Variants in KCNG2 observed in about 807,000 individuals in gnomAD.
KCNG2 encodes the protein voltage-gated potassium channel regulatory subunit KCNG2.
In KCNG2, 7 loss-of-function variants were observed where a neutral mutation model predicts 12.3. That is an observed-to-expected ratio of 0.57 (90% confidence interval 0.32 to 1.07). The LOEUF is 1.07. Ranked by LOEUF, KCNG2 falls within the 50% of genes least tolerant of loss-of-function variation. The pLI is 0.04. For missense variants in KCNG2, 703 were observed against 726.0 expected, an observed-to-expected ratio of 0.97 and a Z score of 0.36; for synonymous variants, 414 against 351.4, an observed-to-expected ratio of 1.18 and a Z score of -1.99.
At chr18:79,846,079 A>G (rs1165888922) in intron 1 of KCNG2, among the ~76,000 whole-genome samples, 5 of 118,494 alleles carry the variant, frequency 4.2e-5, no homozygotes, top group Non-Finnish European at 8.5e-5. Context: ...CGAAAGAGTG[A>G]GACTCTGTCT....
chr18:79,817,889 C>T (rs953394830), intron 1 of KCNG2, among the ~76,000 whole-genome samples: 8 of 152,336 alleles, frequency 5.3e-5, no homozygotes, highest in African/African-American at 1.9e-4. Context: ...GCCCAGGTCT[C>T]GGGGTGGGGG....
Position 79,899,577 on chromosome 18 carries a change from A to G in KCNG2, c.1162A>G (p.Ser388Gly). ...CCTGCCCGGGCAGGTGGTGGCGCTCAGCAGCATCCTCAGCGGCATCCTGCT... is the reference window on the plus strand; with the variant it reads ...CCTGCCCGGGCAGGTGGTGGCGCTCGGCAGCATCCTCAGCGGCATCCTGCT... ...RSLPGQVVAL[S>G]SILSGILLMA... The change falls in exon 4 of 4, where the codon AGC becomes GGC. Residue 388 changes from serine (S) to glycine (G), a missense_variant. Physicochemically the swap from Ser to Gly is moderately conservative, Grantham distance 56. Coordinates refer to ENST00000316249, the MANE Select transcript of KCNG2 (RefSeq NM_012283.2). 2 of 1,599,998 alleles carry G rather than the reference A, an allele frequency of 1.3e-6. No individual in the cohort carries two copies. The highest frequency in any genetic ancestry group is 1.7e-6 in the Non-Finnish European group (2 of 1,173,384).
intron 1 of KCNG2, among the ~76,000 whole-genome samples, chr18:79,814,599 G>A (rs2087514903): frequency 6.6e-6 from 1 of 152,232 alleles, no homozygotes; most frequent in Non-Finnish European, 1.5e-5. Flanking sequence ...GGAGGGGGTG[G>A]CAGGAGTGAC....
chr18:79,838,568 G>A (rs1978370377), intron 1 of KCNG2, among the ~76,000 whole-genome samples: 1 of 151,992 alleles, frequency 6.6e-6, no homozygotes, highest in African/African-American at 2.4e-5. Flanking sequence ...GCACCACCAT[G>A]CCCAGCTAAT....
intron 1 of KCNG2, among the ~76,000 whole-genome samples, chr18:79,813,370 T>C (rs2087506346): frequency 2.0e-5 from 3 of 152,316 alleles, no homozygotes; most frequent in Admixed American, 6.5e-5. Flanking sequence ...AGAAGAGATA[T>C]ACAATCATAT....
At chr18:79,828,951 G>A (rs566482116) in intron 1 of KCNG2, among the ~76,000 whole-genome samples, 8,070 of 130,972 alleles carry the variant, frequency 0.062, 801 homozygotes, top group Non-Finnish European at 0.096. Context: ...ACGTGTCTGT[G>A]TGTGCATGTG....
At chr18:79,859,103 C>T (rs1328050605) in intron 2 of KCNG2, among the ~76,000 whole-genome samples, 5 of 151,900 alleles carry the variant, frequency 3.3e-5, no homozygotes, top group Admixed American at 1.3e-4. Context: ...TCTTTTGTTG[C>T]TTGTGCTTTT....
intron 3 of KCNG2, among the ~76,000 whole-genome samples, chr18:79,889,929 G>T (rs2123123837): frequency 6.6e-6 from 1 of 152,312 alleles, no homozygotes; most frequent in East Asian, 1.9e-4. Context: ...GTCATGAAAA[G>T]ATGTTGTATT....
intron 1 of KCNG2, among the ~76,000 whole-genome samples, chr18:79,853,243 G>A (rs1274220711): frequency 1.3e-5 from 2 of 152,230 alleles, no homozygotes; most frequent in African/African-American, 2.4e-5. Flanking sequence ...ATCATTTAGT[G>A]CTTTAGGGGA....
At chr18:79,834,065 G>A (rs1018084438) in intron 1 of KCNG2, among the ~76,000 whole-genome samples, 36 of 152,216 alleles carry the variant, frequency 2.4e-4, no homozygotes, top group African/African-American at 8.4e-4. Context: ...GGCAGAGGGC[G>A]GTGCTTCCCG....
chr18:79,899,354 GA>G lies in KCNG2; in HGVS notation c.940del (p.Thr314ProfsTer54). 1 of 1,555,898 alleles carries G rather than the reference GA, an allele frequency of 6.4e-7. No individual in the cohort carries two copies. The highest frequency in any genetic ancestry group is 8.6e-7 in the Non-Finnish European group (1 of 1,157,836). ...CGCTGGGGCTGCGTTCGCTGGGCCT[GA>G]CCATGCGCCGCTGCGCGCGCGAGTT... ...HSLGLRSLGL[T>X]MRRCAREFGL... On this transcript the variant is annotated frameshift_variant, in exon 4 of 4. Transcript: ENST00000316249. LOFTEE classifies it low-confidence loss of function (END_TRUNC).
intron 3 of KCNG2, among the ~76,000 whole-genome samples, chr18:79,875,330 C>T (rs117549315): frequency 6.6e-4 from 100 of 152,270 alleles, no homozygotes; most frequent in Non-Finnish European, 1.1e-3. Flanking sequence ...TCCAACACCA[C>T]GGAGCACAGG....
Position 79,835,854 on chromosome 18 carries a change from G to T in KCNG2, c.-114-20525G>T, listed in dbSNP as rs184719706. Among the ~76,000 whole-genome samples the T allele has an allele frequency of 7.5e-4, 115 of 152,318 alleles. 1 individual carries two copies. Among genetic ancestry groups the T allele is most frequent in the African/African-American group, 2.8e-3 (115 of 41,558 alleles). ...TAACACCAGTGGACCATGACAGGTTGTGTGTGTATAATGTAATACCTAGAA... is the reference window on the plus strand; with the variant it reads ...TAACACCAGTGGACCATGACAGGTTTTGTGTGTATAATGTAATACCTAGAA... On this transcript the variant is annotated intron_variant, in intron 1 of 3. Coordinates refer to ENST00000316249, the MANE Select transcript of KCNG2 (RefSeq NM_012283.2).
chr18:79,834,565 C>G (rs375465548), intron 1 of KCNG2, among the ~76,000 whole-genome samples: 1 of 152,166 alleles, frequency 6.6e-6, no homozygotes, highest in Non-Finnish European at 1.5e-5. Context: ...TGGGAGCCCA[C>G]GCTATTTAAT....
At chr18:79,888,581 C>T (rs372198058) in intron 3 of KCNG2, among the ~76,000 whole-genome samples, 5 of 152,314 alleles carry the variant, frequency 3.3e-5, no homozygotes, top group Middle Eastern at 6.8e-3. Flanking sequence ...CTCCTGAAGC[C>T]GCTGTGCGGT....
chr18:79,870,445 G>A (rs1475623322), intron 3 of KCNG2, among the ~76,000 whole-genome samples: 1 of 152,136 alleles, frequency 6.6e-6, no homozygotes, highest in Non-Finnish European at 1.5e-5. Flanking sequence ...CAGAGGCTTT[G>A]GAGGGATGGG....
chr18:79,848,826 C>A (rs528125597), intron 1 of KCNG2, among the ~76,000 whole-genome samples: 1 of 152,186 alleles, frequency 6.6e-6, no homozygotes, highest in Admixed American at 6.5e-5. Context: ...CCAGACTGCC[C>A]GGCTGGAAGA....
At chr18:79,798,534 C>T (rs2087382105) in intron 1 of KCNG2, among the ~76,000 whole-genome samples, 1 of 152,204 alleles carries the variant, frequency 6.6e-6, no homozygotes, top group Non-Finnish European at 1.5e-5. Flanking sequence ...GCGCCTTTCC[C>T]GGTCCCCCTT....
chr18:79,825,753 C>A (rs1288224814), intron 1 of KCNG2, among the ~76,000 whole-genome samples: 1 of 152,232 alleles, frequency 6.6e-6, no homozygotes, highest in African/African-American at 2.4e-5. Context: ...AAATTAGAAT[C>A]GTTTTTATTC....
Sources: allele counts gnomAD v4.1 joint callset (sites outside exome capture counted in the v4.1 genomes callset), GRCh38; gene constraint gnomAD v4.1.1; transcripts MANE v1.5; gene names NCBI Gene and HGNC (gene_info 2026-07-23, HGNC 2026-07-21).